The following CDNF variants were observed in gnomAD, a reference collection of about 807,000 sequenced individuals.
The protein encoded by CDNF is cerebral dopamine neurotrophic factor.
In CDNF, 9 loss-of-function variants were observed where a neutral mutation model predicts 14.8. That is an observed-to-expected ratio of 0.61 (90% CI 0.37 to 1.06). CDNF has a LOEUF of 1.06. CDNF is among the 50% of genes least tolerant of loss of function. The pLI is 0.01. For missense variants in CDNF, 228 were observed against 228.4 expected (o/e 1.00, Z 0.01); for synonymous variants, 86 against 87.2 (o/e 0.99, Z 0.07).
At chr10:14,828,667 CAT>C (rs1030682733) in intron 1 of CDNF, among the ~76,000 whole-genome samples, 3 of 150,904 alleles carry the variant, frequency 2.0e-5, no homozygotes, top group African/African-American at 7.3e-5. Context: ...AAGAAACGTC[CAT>C]ATGAGTCAAT....
At position 14,819,921 on chromosome 10, in the gene CDNF, T is replaced by C; in HGVS notation, c.*59A>G. The C allele has an allele frequency of 6.7e-7, 1 of 1,490,398 alleles. No individual in the cohort carries two copies. The highest frequency in any genetic ancestry group is 1.4e-5 in the African/African-American group (1 of 71,804). 92.3% of individuals were successfully genotyped at this position (1,490,398 alleles called of 1,614,324 possible). On this transcript the variant is annotated 3_prime_UTR_variant, in exon 4 of 4. Transcript: ENST00000465530. ...CAGTTATCCTTAATCAACATGTCCA[T>C]ATCCTAGAGAGTCACTTTTCTCTCT...
At chr10:14,826,092 A>AAGC (rs1564313423) in intron 2 of CDNF, among the ~76,000 whole-genome samples, 17 of 111,080 alleles carry the variant, frequency 1.5e-4, no homozygotes, top group African/African-American at 4.8e-4. Context: ...GAAGAAGAAG[A>AAGC]AGAAGCAGCA....
intron 1 of CDNF, among the ~76,000 whole-genome samples, chr10:14,833,862 C>G (rs1304852018): frequency 6.6e-6 from 1 of 152,078 alleles, no homozygotes. Context: ...AGGATAAGAA[C>G]AAAGACTGAG....
intron 1 of CDNF, among the ~76,000 whole-genome samples, chr10:14,834,998 G>C (rs1430829357): frequency 6.6e-6 from 1 of 152,144 alleles, no homozygotes; most frequent in East Asian, 1.9e-4. Context: ...TGGGGGATAA[G>C]GGGGAAAGAG....
intron 3 of CDNF, among the ~76,000 whole-genome samples, chr10:14,822,442 G>A (rs557656830): frequency 6.6e-6 from 1 of 152,124 alleles, no homozygotes; most frequent in South Asian, 2.1e-4. Flanking sequence ...GGGGCATGGG[G>A]GCACACACCT....
intron 2 of CDNF, among the ~76,000 whole-genome samples, chr10:14,826,095 A>AAGC (rs71505046): frequency 0.012 from 1,047 of 87,264 alleles, 17 homozygotes; most frequent in Middle Eastern, 0.016. Context: ...GAAGAAGAAG[A>AAGC]AGCAGCAGCA....
At chr10:14,821,015 A>G (rs1833733800) in intron 3 of CDNF, among the ~76,000 whole-genome samples, 1 of 152,108 alleles carries the variant, frequency 6.6e-6, no homozygotes, top group African/African-American at 2.4e-5. Flanking sequence ...GCCTTCTGCC[A>G]TGATTCTAAG....
chr10:14,831,694 A>T (rs989709338), intron 1 of CDNF, among the ~76,000 whole-genome samples: 15 of 151,380 alleles, frequency 9.9e-5, no homozygotes, highest in Non-Finnish European at 2.1e-4. Context: ...CCTGCCTCAG[A>T]CTCCTGAGTA....
chr10:14,822,736 A>G (rs530780662), intron 3 of CDNF, among the ~76,000 whole-genome samples: 21 of 152,352 alleles, frequency 1.4e-4, no homozygotes, highest in Non-Finnish European at 3.1e-4. Context: ...TGAGTAGTAG[A>G]ACACAACATT....
chr10:14,833,614 GA>G (rs1278321332), intron 1 of CDNF, among the ~76,000 whole-genome samples: 2 of 151,830 alleles, frequency 1.3e-5, no homozygotes, highest in Non-Finnish European at 2.9e-5. Context: ...CATCCAACTG[GA>G]AACAGTGAGA....
At chr10:14,829,660 G>A (rs1833828188) in intron 1 of CDNF, among the ~76,000 whole-genome samples, 2 of 151,940 alleles carry the variant, frequency 1.3e-5, no homozygotes, top group African/African-American at 2.4e-5. Context: ...ACGAAGTCTC[G>A]CTCTGTTCAC....
At chr10:14,826,128 CAGG>C (rs1564313534) in intron 2 of CDNF, among the ~76,000 whole-genome samples, 13 of 123,834 alleles carry the variant, frequency 1.0e-4, no homozygotes, top group Non-Finnish European at 8.5e-5. Context: ...GCAGCAGAAG[CAGG>C]AGAAGGAGAA....
In CDNF at chr10:14,830,546, G is replaced by C. The variant is rs554242516; in HGVS notation, c.116-2274C>G. ...CTAGGTTGAATGTGGGTTCCTGTAA[G>C]TAAGACTCACATTTGCTGGCTGGGC... On this transcript the variant is annotated intron_variant, in intron 1 of 3. Transcript: ENST00000465530. Among the ~76,000 whole-genome samples the C allele has an allele frequency of 1.4e-4, 22 of 151,896 alleles. 1 individual carries two copies. The highest frequency in any genetic ancestry group is 1.0e-3 in the Admixed American group (16 of 15,242).
chr10:14,819,974 T>G lies in CDNF; in HGVS notation c.*6A>C, dbSNP rs1302032242. 2 of 1,611,130 alleles carry G rather than the reference T, an allele frequency of 1.2e-6. No individual in the cohort carries two copies. On this transcript the variant is annotated 3_prime_UTR_variant, in exon 4 of 4. Transcript: ENST00000465530. The stretch of plus-strand genomic sequence containing the variant: ...TTACAAGTCACAAATGTGCTGGCAT[T>G]GGAGATCAGAGCTCTGTTTTGGGGT...
intron 1 of CDNF, 128 bp from the exon 2 acceptor site, chr10:14,828,400 G>A (rs1006070235): frequency 2.4e-6 from 2 of 823,528 alleles, no homozygotes; most frequent in African/African-American, 1.7e-5. Flanking sequence ...TGTAATCCTA[G>A]CACTTTGAGA....
At position 14,837,885 on chromosome 10, in the gene CDNF, G is replaced by C. The variant is rs572206887; in HGVS notation, c.62C>G (p.Pro21Arg). 6.2e-7 allele frequency: 1 copy of C among 1,607,012 alleles called. No homozygotes were observed. The highest frequency in any genetic ancestry group is 1.1e-5 in the South Asian group (1 of 90,176). ...AFCAGLLVSH[P>R]VLTQGQEAGG... is the part of the protein sequence containing the mutation. ...GGCCTCCTGGCCCTGCGTCAGCACC[G>C]GGTGAGAGACCAAAAGCCCGGCGCA... is the stretch of plus-strand genomic sequence containing the variant. Residue 21 changes from proline (P) to arginine (R), a missense_variant, in exon 1 of 4, where the codon CCG (proline) becomes CGG (arginine). Transcript: ENST00000465530.
intron 1 of CDNF, among the ~76,000 whole-genome samples, chr10:14,836,951 C>A (rs1263496910): frequency 6.6e-6 from 1 of 151,990 alleles, no homozygotes; most frequent in Non-Finnish European, 1.5e-5. Context: ...AAACAAAAAA[C>A]AAAACAACAA....
At chr10:14,823,750 C>T (rs1347276212) in intron 3 of CDNF, among the ~76,000 whole-genome samples, 2 of 152,192 alleles carry the variant, frequency 1.3e-5, no homozygotes, top group Admixed American at 1.3e-4. Context: ...TGGTCTTGAA[C>T]TCCTGGGCTC....
chr10:14,821,571 T>C (rs1179823150), intron 3 of CDNF, among the ~76,000 whole-genome samples: 1 of 152,212 alleles, frequency 6.6e-6, no homozygotes, highest in Non-Finnish European at 1.5e-5. Flanking sequence ...ATCAGGATTT[T>C]AGTGTCTGAG....
Sources: gnomAD v4.1 joint callset for allele counts (sites outside exome capture counted in the v4.1 genomes callset) on GRCh38, gnomAD v4.1.1 for gene constraint, MANE v1.5 for transcripts, NCBI Gene and HGNC (gene_info 2026-07-23, HGNC 2026-07-21) for gene names.